NCAPD2: variants seen among roughly 807,000 people sequenced by gnomAD.
NCAPD2 encodes condensin complex subunit 1.
In NCAPD2, 100 loss-of-function variants were observed where a neutral mutation model predicts 164.5. That is an observed-to-expected ratio of 0.61 (90% CI 0.52 to 0.72). NCAPD2 has a LOEUF of 0.72. NCAPD2 is among the 30% of genes least tolerant of loss of function. The pLI is 0.00. For synonymous variants in NCAPD2, 585 were observed against 642.6 expected (o/e 0.91, Z 1.36); for missense variants, 1,560 against 1,749.2 (o/e 0.89, Z 1.93).
intron 13 of NCAPD2, among the ~76,000 whole-genome samples, chr12:6,519,314 C>A (rs1341167112): frequency 2.0e-5 from 3 of 152,000 alleles, no homozygotes; most frequent in East Asian, 1.9e-4. Context: ...AGTGCATGTT[C>A]CACCAAGCAT....
In NCAPD2 at chr12:6,514,559, A is replaced by G. The variant is rs1946181621; in HGVS notation, c.811A>G (p.Met271Val). The G allele has an allele frequency of 3.7e-6, 6 of 1,614,218 alleles. No homozygotes were observed. The highest frequency in any genetic ancestry group is 5.1e-6 in the Non-Finnish European group (6 of 1,180,040). Residue 271 changes from methionine (M) to valine (V), a missense_variant, in exon 8 of 32, where the codon ATG (methionine) becomes GTG (valine). Coordinates refer to ENST00000315579, the MANE Select transcript of NCAPD2 (RefSeq NM_014865.4). ...AVSLWATDYGMKSIVGEIVRE... is the reference protein window; with the variant it reads ...AVSLWATDYGVKSIVGEIVRE... Reference sequence around the variant, plus strand: ...GAGTCTATGGGCAACTGACTATGGAATGAAGAGCATAGTGGGAGAGATTGT... The same window carrying G: ...GAGTCTATGGGCAACTGACTATGGAGTGAAGAGCATAGTGGGAGAGATTGT...
rs1165777305 is a variant in NCAPD2 at position 6,525,593 on chromosome 12, T to G, written c.2225T>G (p.Phe742Cys). 6.2e-7 allele frequency: 1 copy of G among 1,610,522 alleles called. No individual in the cohort carries two copies. Among genetic ancestry groups the G allele is most frequent in the Non-Finnish European group, 8.5e-7 (1 of 1,178,478 alleles). Reference protein sequence around the residue: ...IQCLEEILCEFVQKDELKPAV... With the variant: ...IQCLEEILCECVQKDELKPAV... ...TTCTTTTCTCTTTAGCTCTGTGAGTTTGTGCAGAAGGATGAGTTGAAACCA... is the reference window on the plus strand; with the variant it reads ...TTCTTTTCTCTTTAGCTCTGTGAGTGTGTGCAGAAGGATGAGTTGAAACCA... The change falls in exon 18 of 32, where the codon TTT (phenylalanine) becomes TGT (cysteine). Residue 742 changes from phenylalanine (F) to cysteine (C), a missense_variant. Coordinates refer to ENST00000315579, the MANE Select transcript of NCAPD2 (RefSeq NM_014865.4).
rs1480333216 is a variant in NCAPD2, at chr12:6,531,544, G to C, written c.*132G>C. The C allele has an allele frequency of 2.6e-6, 4 of 1,511,200 alleles. No homozygotes were observed. The East Asian group carries it at 7.4e-5, about 28-fold the overall frequency. The allele number at this position is 1,511,200 out of a possible 1,614,324, so 93.6% of individuals were successfully genotyped here. On this transcript the variant is annotated 3_prime_UTR_variant, in exon 32 of 32. Coordinates refer to ENST00000315579, the MANE Select transcript of NCAPD2 (RefSeq NM_014865.4). The surrounding 1 kb of genome is among the most constrained non-coding windows in gnomAD (Gnocchi z 4.1). The stretch of plus-strand genomic sequence containing the variant: ...AAAAAGGCCGGGCACTGTGGCTCAC[G>C]CCTGTAATCCCAGCACTTTGCGATA...
intron 6 of NCAPD2, among the ~76,000 whole-genome samples, chr12:6,513,674 A>G (rs979418377): frequency 6.8e-6 from 1 of 147,982 alleles, no homozygotes; most frequent in Non-Finnish European, 1.5e-5. Context: ...AGATTGAATC[A>G]GTCGTTATAT....
intron 10 of NCAPD2, 53 bp downstream of exon 10, chr12:6,517,078 TAA>T (rs975573944): frequency 6.4e-7 from 1 of 1,571,562 alleles, no homozygotes; most frequent in Admixed American, 1.7e-5. Context: ...TATACCAGTG[TAA>T]AGAGGAATCC....
In NCAPD2 at chr12:6,514,884, C is replaced by T. The variant is rs1946184571; in HGVS notation, c.951C>T (p.Ser317=). Residue 317 remains serine (S), a synonymous_variant, in exon 9 of 32, where the codon TCC becomes TCT. Transcript: ENST00000315579. ...AACGTGTCCCAGCTATCCTGATGTC[C>T]AGCATGTGCATTTTGCTAGATCACC... is the stretch of plus-strand genomic sequence containing the variant. ...LAERVPAILM[S]SMCILLDHLD... The T allele has an allele frequency of 6.2e-7, 1 of 1,614,100 alleles. No homozygotes were observed. Among genetic ancestry groups the T allele is most frequent in the African/African-American group, 1.3e-5 (1 of 74,936 alleles).
chr12:6,496,452 A>G (rs1264993988), intron 2 of NCAPD2, among the ~76,000 whole-genome samples: 1 of 152,116 alleles, frequency 6.6e-6, no homozygotes, highest in African/African-American at 2.4e-5. Context: ...AAGACAAGGT[A>G]AAGACTCTCT....
At chr12:6,496,810 A>C (rs769268376) in intron 2 of NCAPD2, among the ~76,000 whole-genome samples, 44 of 152,202 alleles carry the variant, frequency 2.9e-4, no homozygotes, top group Non-Finnish European at 5.1e-4. Flanking sequence ...GACATGTACC[A>C]AAGTGCTGGG....
intron 27 of NCAPD2, chr12:6,529,248 T>C (rs1946348614): frequency 1.6e-6 from 1 of 614,266 alleles, no homozygotes; most frequent in African/African-American, 1.8e-5. Flanking sequence ...ATAAAGTTCC[T>C]AACATGGTGG....
At chr12:6,512,795 A>C (rs1946163705) in intron 6 of NCAPD2, among the ~76,000 whole-genome samples, 1 of 152,252 alleles carries the variant, frequency 6.6e-6, no homozygotes, top group Non-Finnish European at 1.5e-5. Flanking sequence ...ATGGTCTCTT[A>C]GACCAAGGCG....
intron 2 of NCAPD2, among the ~76,000 whole-genome samples, chr12:6,503,930 A>G (rs1178398883): frequency 1.3e-5 from 2 of 152,010 alleles, no homozygotes; most frequent in African/African-American, 2.4e-5. Flanking sequence ...GTGAGCTAAC[A>G]TCATGCCACT....
chr12:6,523,902 A>G (rs1183273122), intron 17 of NCAPD2, among the ~76,000 whole-genome samples: 2 of 152,222 alleles, frequency 1.3e-5, no homozygotes, highest in African/African-American at 2.4e-5. Context: ...TGTCATAGCA[A>G]TAATAACAAC....
chr12:6,495,556 G>T (rs1295562523), intron 2 of NCAPD2, among the ~76,000 whole-genome samples: 1 of 152,146 alleles, frequency 6.6e-6, no homozygotes, highest in Non-Finnish European at 1.5e-5. Context: ...CGCTTTTTCA[G>T]AATGTCTCGG....
chr12:6,512,610 T>C (rs1213816173), intron 6 of NCAPD2, among the ~76,000 whole-genome samples: 3 of 152,166 alleles, frequency 2.0e-5, no homozygotes, highest in Non-Finnish European at 4.4e-5. Context: ...ATGGTGACTT[T>C]GGCATTTCCT....
chr12:6,504,236 T>G (rs1380420983), intron 2 of NCAPD2, among the ~76,000 whole-genome samples: 3 of 95,782 alleles, frequency 3.1e-5, no homozygotes, highest in Admixed American at 2.3e-4. Flanking sequence ...TATATATATA[T>G]ATATATACCA....
In NCAPD2 at chr12:6,527,155, TATTACATGAAGCGAAGA is replaced by T; in HGVS notation, c.2907+93_2907+109del. 4.4e-6 allele frequency: 6 copies of T among 1,363,336 alleles called. No homozygotes were observed. In the South Asian group the frequency reaches 9.1e-5, roughly 21 times the overall value. The allele number at this position is 1,363,336 out of a possible 1,614,324, so 84.5% of individuals were successfully genotyped here. A position where few individuals can be genotyped will look rare whatever the true frequency, so the allele number is the denominator to read the frequency against. ...CTTCCGGCAATCTCTGCTCCTCTGC[TATTACATGAAGCGAAGA>T]GTTTCTGCCTCTCTGTGGCTACTAC... On this transcript the variant is annotated intron_variant, in intron 22 of 31. Coordinates refer to ENST00000315579, the MANE Select transcript of NCAPD2 (RefSeq NM_014865.4).
Position 6,529,508 on chromosome 12 carries a change from T to C in NCAPD2, c.3573-5T>C. The C allele has an allele frequency of 6.2e-7, 1 of 1,613,752 alleles. No homozygotes were observed. Reference sequence around the variant, plus strand: ...ATCGAACATCCTCATCTCCCCTTCCTGCAGACAGCTCCTCTCCTACATCAC... The same window carrying C: ...ATCGAACATCCTCATCTCCCCTTCCCGCAGACAGCTCCTCTCCTACATCAC... On this transcript the variant is annotated splice_region_variant and splice_polypyrimidine_tract_variant and intron_variant, in intron 27 of 31. Coordinates refer to ENST00000315579, the MANE Select transcript of NCAPD2 (RefSeq NM_014865.4).
At chr12:6,511,369 G>T in intron 6 of NCAPD2, 117 bp downstream of exon 6, 1 of 1,264,434 alleles carries the variant, frequency 7.9e-7, no homozygotes, top group Non-Finnish European at 1.1e-6. Context: ...CTTCACTCTT[G>T]TCGCCCAGGC....
intron 10 of NCAPD2, 112 bp from the exon 11 acceptor site, chr12:6,517,249 TAGAA>T: frequency 6.9e-7 from 1 of 1,455,578 alleles, no homozygotes; most frequent in Non-Finnish European, 9.3e-7. Flanking sequence ...CTATATTCTG[TAGAA>T]AGGGTTTTTA....
Sources: gnomAD v4.1 joint callset for allele counts (sites outside exome capture counted in the v4.1 genomes callset) on GRCh38, gnomAD v4.1.1 for gene constraint, Gnocchi (gnomAD v3.1) non-coding constraint, MANE v1.5 for transcripts, NCBI Gene and HGNC (gene_info 2026-07-23, HGNC 2026-07-21) for gene names.